MGMT: variants seen among roughly 807,000 people sequenced by gnomAD.
MGMT encodes methylated-DNA--protein-cysteine methyltransferase.
MGMT carries 14 observed loss-of-function variants against 15.9 expected under a neutral mutation model. The ratio of observed to expected loss-of-function variants is 0.88; its 90% confidence interval spans 0.58 to 1.37. MGMT has a LOEUF of 1.37. Among genes scored for constraint, MGMT ranks in the 40% most tolerant of loss-of-function variants. MGMT has a pLI of 0.00. For missense variants in MGMT, 282 were observed against 268.1 expected, an observed-to-expected ratio of 1.05 and a Z score of -0.36; for synonymous variants, 130 against 118.2, an observed-to-expected ratio of 1.10 and a Z score of -0.65.
intron 2 of MGMT, among the ~76,000 whole-genome samples, chr10:129,696,161 G>A (rs1848029695): frequency 6.6e-6 from 1 of 152,186 alleles, no homozygotes; most frequent in African/African-American, 2.4e-5. Flanking sequence ...AAGCCTAGAG[G>A]AGAAATGAGG....
At chr10:129,587,788 G>GACTATT (rs1564860890) in intron 2 of MGMT, among the ~76,000 whole-genome samples, 47 of 152,198 alleles carry the variant, frequency 3.1e-4, no homozygotes, top group African/African-American at 1.1e-3. Flanking sequence ...TAACGACTAT[G>GACTATT]TTAATATCCT....
At chr10:129,683,777 T>C (rs1045494684) in intron 2 of MGMT, among the ~76,000 whole-genome samples, 1 of 152,158 alleles carries the variant, frequency 6.6e-6, no homozygotes, top group Non-Finnish European at 1.5e-5. Context: ...AATAATCTGC[T>C]CCTATAATTG....
chr10:129,473,672 G>C (rs11016804), intron 1 of MGMT, among the ~76,000 whole-genome samples: 12,274 of 152,296 alleles, frequency 0.081, 665 homozygotes, highest in East Asian at 0.29. Context: ...ACACAGACCT[G>C]TTTATGTAGC....
intron 2 of MGMT, among the ~76,000 whole-genome samples, chr10:129,662,298 A>G (rs1847606757): frequency 6.6e-6 from 1 of 152,142 alleles, no homozygotes; most frequent in African/African-American, 2.4e-5. Flanking sequence ...AGATTAGGCA[A>G]GGAAAAAAAG....
chr10:129,572,702 A>G (rs1035718255), intron 2 of MGMT, among the ~76,000 whole-genome samples: 1 of 152,204 alleles, frequency 6.6e-6, no homozygotes, highest in Admixed American at 6.5e-5. Flanking sequence ...ATACGGAAGA[A>G]GTCTTGAAAC....
intron 2 of MGMT, among the ~76,000 whole-genome samples, chr10:129,627,081 A>C (rs1201351794): frequency 6.6e-6 from 1 of 152,194 alleles, no homozygotes; most frequent in Non-Finnish European, 1.5e-5. Flanking sequence ...GCAAGAAGAA[A>C]AGCTGTGGGC....
intron 2 of MGMT, among the ~76,000 whole-genome samples, chr10:129,658,682 G>C (rs551529145): frequency 6.6e-6 from 1 of 152,188 alleles, no homozygotes; most frequent in Non-Finnish European, 1.5e-5. Flanking sequence ...AATTATCTTC[G>C]CAAGAAAGTA....
chr10:129,505,072 T>G lies in MGMT; in HGVS notation c.-12-31169T>G, dbSNP rs566009633. ...GCAGCGTGTGTTTCCCCCTGTTGAC[T>G]TTGGGAGTACAGCACTGGTATGCTG... On this transcript the variant is annotated intron_variant, in intron 1 of 4. Coordinates refer to ENST00000651593, the MANE Select transcript of MGMT (RefSeq NM_002412.5). Among the ~76,000 whole-genome samples the G allele has an allele frequency of 2.0e-5, 3 of 152,316 alleles. No homozygotes were observed. In the South Asian group the frequency reaches 6.2e-4, roughly 32 times the overall value.
At chr10:129,605,468 C>CT (rs1846877857) in intron 2 of MGMT, among the ~76,000 whole-genome samples, 1 of 152,102 alleles carries the variant, frequency 6.6e-6, no homozygotes, top group Non-Finnish European at 1.5e-5. Flanking sequence ...AGGGAGTTCA[C>CT]TTATTCATAT....
chr10:129,639,947 C>CAA (rs35965727), intron 2 of MGMT, among the ~76,000 whole-genome samples: 5,937 of 116,212 alleles, frequency 0.051, 153 homozygotes, highest in Middle Eastern at 0.1. Flanking sequence ...CTAGACTGAC[C>CAA]AAAAAAAAAA....
rs1426366768 is a variant in MGMT, at chr10:129,471,022, CAG to C, written c.-13+3729_-13+3730del. Among the ~76,000 whole-genome samples the C allele has an allele frequency of 4.6e-5, 7 of 152,312 alleles. No homozygotes were observed. The East Asian group carries it at 1.2e-3, about 25-fold the overall frequency. On this transcript the variant is annotated intron_variant, in intron 1 of 4. Transcript: ENST00000651593. ...CTACCTGTGATGCTTGCGAAGTCAG[CAG>C]AGGCTCCCACCCAGCCCTGCCGCCC...
At chr10:129,502,153 T>A (rs553978883) in intron 1 of MGMT, among the ~76,000 whole-genome samples, 1 of 152,318 alleles carries the variant, frequency 6.6e-6, no homozygotes, top group South Asian at 2.1e-4. Context: ...GGAGTGTGTC[T>A]ATGTCCTGGA....
rs1848183456 is a variant in MGMT, at chr10:129,707,895, T to G, written c.126T>G (p.Asp42Glu). 6.2e-7 allele frequency: 1 copy of G among 1,610,840 alleles called. No individual in the cohort carries two copies. Among genetic ancestry groups the G allele is most frequent in the African/African-American group, 1.3e-5 (1 of 74,718 alleles). ...TAAGCCCCTGTTCTCACTTTTGCAGTGCCGTGGAGGTCCCAGCCCCCGCTG... is the reference window on the plus strand; with the variant it reads ...TAAGCCCCTGTTCTCACTTTTGCAGGGCCGTGGAGGTCCCAGCCCCCGCTG... Reference protein sequence around the residue: ...KLLGKGTSAADAVEVPAPAAV... With the variant: ...KLLGKGTSAAEAVEVPAPAAV... The change falls in exon 3 of 5, where the codon GAT becomes GAG. Residue 42 changes from aspartate to glutamate, a missense_variant and splice_region_variant. Transcript: ENST00000651593.
chr10:129,488,677 A>G (rs927523623), intron 1 of MGMT, among the ~76,000 whole-genome samples: 4 of 152,180 alleles, frequency 2.6e-5, no homozygotes, highest in African/African-American at 7.2e-5. Flanking sequence ...CTATTTTCCT[A>G]TGAAAGTATC....
intron 2 of MGMT, among the ~76,000 whole-genome samples, chr10:129,655,443 C>T (rs890190074): frequency 7.2e-5 from 11 of 152,208 alleles, no homozygotes; most frequent in Non-Finnish European, 1.6e-4. Context: ...CTGACCCTGA[C>T]GCTTCTAGAG....
intron 2 of MGMT, among the ~76,000 whole-genome samples, chr10:129,611,275 G>T (rs1050312343): frequency 2.6e-5 from 4 of 152,286 alleles, no homozygotes; most frequent in African/African-American, 9.6e-5. Context: ...TTCTGGAGAG[G>T]CCTCAGGAAA....
intron 2 of MGMT, among the ~76,000 whole-genome samples, chr10:129,676,284 A>G (rs1847785157): frequency 1.3e-5 from 2 of 152,180 alleles, no homozygotes; most frequent in Admixed American, 1.3e-4. Context: ...GTAATGGGAC[A>G]CTTTGGCCGC....
chr10:129,489,285 G>A (rs910227464), intron 1 of MGMT, among the ~76,000 whole-genome samples: 34 of 149,164 alleles, frequency 2.3e-4, no homozygotes, highest in South Asian at 6.4e-4. Context: ...GCATGAACCC[G>A]GGAAGCGGAG....
chr10:129,744,018 A>G (rs1017509499), intron 3 of MGMT, among the ~76,000 whole-genome samples: 4 of 152,216 alleles, frequency 2.6e-5, no homozygotes, highest in Non-Finnish European at 5.9e-5. Context: ...CTCTGCTTCC[A>G]TGATGAATAA....
Sources: allele counts gnomAD v4.1 joint callset (sites outside exome capture counted in the v4.1 genomes callset), GRCh38; gene constraint gnomAD v4.1.1; transcripts MANE v1.5; gene names NCBI Gene and HGNC (gene_info 2026-07-23, HGNC 2026-07-21).